ESRRG: variants seen among roughly 807,000 people sequenced by gnomAD.
ESRRG encodes the protein estrogen-related receptor gamma.
Under a neutral mutation model 44.0 loss-of-function variants are expected in ESRRG, and 13 were observed. The ratio of observed to expected loss-of-function variants is 0.30; its 90% CI spans 0.19 to 0.47. The LOEUF is 0.47. ESRRG is among the 20% of genes least tolerant of loss of function. The probability of loss-of-function intolerance (pLI) is 1.00; values close to 1 mark genes in which losing one functional copy is unlikely to be tolerated. For synonymous variants in ESRRG, 215 were observed against 214.6 expected (o/e 1.00, Z -0.02); for missense variants, 395 against 580.6 (o/e 0.68, Z 3.29).
intron 1 of ESRRG, among the ~76,000 whole-genome samples, chr1:216,997,005 G>A (rs2076454913): frequency 1.3e-5 from 2 of 152,188 alleles, no homozygotes; most frequent in South Asian, 2.1e-4. Flanking sequence ...CAGGAAACGG[G>A]CATTTTTCTC....
At chr1:216,787,317 A>C (rs1002057502) in intron 2 of ESRRG, among the ~76,000 whole-genome samples, 1 of 152,106 alleles carries the variant, frequency 6.6e-6, no homozygotes, top group South Asian at 2.1e-4. Flanking sequence ...TAAAAACCCC[A>C]AAAAAGGCTG....
chr1:216,693,260 AT>A (rs1230354731), intron 1 of ESRRG, among the ~76,000 whole-genome samples: 2 of 152,138 alleles, frequency 1.3e-5, no homozygotes, highest in African/African-American at 4.8e-5. Context: ...GTAATTTAAA[AT>A]TTTTTGGTGT....
chr1:217,133,427 G>T (rs914537764), intron 1 of ESRRG, among the ~76,000 whole-genome samples: 2 of 152,220 alleles, frequency 1.3e-5, no homozygotes, highest in Admixed American at 6.5e-5. Flanking sequence ...CCCACGCTCG[G>T]GCCTTCTCCA....
chr1:217,083,490 A>T (rs1024464816), intron 1 of ESRRG, among the ~76,000 whole-genome samples: 2 of 152,226 alleles, frequency 1.3e-5, no homozygotes, highest in Non-Finnish European at 2.9e-5. Flanking sequence ...GAGACCATGG[A>T]GTCAAACCCC....
At chr1:217,097,339 T>C (rs1478175540) in intron 1 of ESRRG, among the ~76,000 whole-genome samples, 2 of 152,228 alleles carry the variant, frequency 1.3e-5, no homozygotes, top group East Asian at 1.9e-4. Flanking sequence ...TACTGTTTAC[T>C]CTTATGTGTA....
intron 1 of ESRRG, among the ~76,000 whole-genome samples, chr1:217,104,718 T>G (rs1318491189): frequency 6.6e-6 from 1 of 152,128 alleles, no homozygotes; most frequent in Non-Finnish European, 1.5e-5. Flanking sequence ...CACAGGGCAT[T>G]GGGCTTTAAG....
intron 6 of ESRRG, among the ~76,000 whole-genome samples, chr1:216,517,594 G>T (rs2044729837): frequency 6.6e-6 from 1 of 152,028 alleles, no homozygotes; most frequent in African/African-American, 2.4e-5. Context: ...AATTAGAATC[G>T]TTTCATGATT....
chr1:216,547,036 T>G (rs761386418), intron 5 of ESRRG, among the ~76,000 whole-genome samples: 1 of 151,968 alleles, frequency 6.6e-6, no homozygotes, highest in Non-Finnish European at 1.5e-5. Flanking sequence ...CTCCCACTTA[T>G]GAGTGGGTGA....
At chr1:216,644,277 G>T (rs1194708530) in intron 3 of ESRRG, among the ~76,000 whole-genome samples, 1 of 152,008 alleles carries the variant, frequency 6.6e-6, no homozygotes, top group Non-Finnish European at 1.5e-5. Context: ...TCTGGAACAT[G>T]GGCACTCACA....
chr1:216,579,419 AG>A (rs1235646538), intron 3 of ESRRG, among the ~76,000 whole-genome samples: 2 of 152,132 alleles, frequency 1.3e-5, no homozygotes, highest in Non-Finnish European at 2.9e-5. Context: ...AGAAATTAAC[AG>A]TTGGGAAAGT....
At chr1:216,568,247 G>T in intron 3 of ESRRG, 149 bp from the exon 4 acceptor site, 1 of 616,880 alleles carries the variant, frequency 1.6e-6, no homozygotes. Context: ...TAAATAAGTG[G>T]TGGCTAAATC....
In ESRRG at chr1:216,942,273, C is replaced by T. The variant is rs78851017; in HGVS notation, c.-105-2600G>A. ...TTCTTTTTTATGGCTGCATGGTATT[C>T]CATATTCTATAGGTACCACATTTCC... On this transcript the variant is annotated intron_variant, in intron 1 of 7. Coordinates refer to the ESRRG transcript ENST00000359162. Among the ~76,000 whole-genome samples, 17 of 152,258 alleles carry T rather than the reference C, an allele frequency of 1.1e-4. No individual in the cohort carries two copies. In the East Asian group the frequency reaches 3.1e-3, roughly 28 times the overall value.
intron 1 of ESRRG, among the ~76,000 whole-genome samples, chr1:217,108,007 G>A (rs2092618869): frequency 7.1e-6 from 1 of 141,708 alleles, no homozygotes; most frequent in Non-Finnish European, 1.5e-5. Flanking sequence ...TTACTGCTAT[G>A]TTTAAAAAAA....
chr1:217,083,742 A>T (rs2091912284), intron 1 of ESRRG, among the ~76,000 whole-genome samples: 1 of 152,236 alleles, frequency 6.6e-6, no homozygotes, highest in Admixed American at 6.5e-5. Flanking sequence ...TTCATACTAA[A>T]TAGAAAATGA....
At chr1:216,855,764 A>T (rs1577288456) in intron 2 of ESRRG, among the ~76,000 whole-genome samples, 1 of 152,162 alleles carries the variant, frequency 6.6e-6, no homozygotes, top group Non-Finnish European at 1.5e-5. Context: ...AGCTGCAAAG[A>T]TCCTGCGGCT....
chr1:216,761,330 A>G (rs184066907), intron 2 of ESRRG, among the ~76,000 whole-genome samples: 1 of 152,110 alleles, frequency 6.6e-6, no homozygotes, highest in Non-Finnish European at 1.5e-5. Flanking sequence ...TAATACAATA[A>G]GTGTACTGGT....
At chr1:216,936,209 C>A (rs1203218664) in intron 2 of ESRRG, among the ~76,000 whole-genome samples, 2 of 152,016 alleles carry the variant, frequency 1.3e-5, no homozygotes, top group East Asian at 3.9e-4. Flanking sequence ...ATATATATTT[C>A]TTTTTATAAA....
At chr1:217,049,334 C>G (rs1346340325) in intron 1 of ESRRG, among the ~76,000 whole-genome samples, 5 of 152,144 alleles carry the variant, frequency 3.3e-5, no homozygotes, top group Non-Finnish European at 1.5e-5. Context: ...GTCTCCTAAA[C>G]CTATTTGCCT....
chr1:216,729,903 T>G (rs1434032904), intron 2 of ESRRG, among the ~76,000 whole-genome samples: 4 of 152,140 alleles, frequency 2.6e-5, no homozygotes, highest in Non-Finnish European at 5.9e-5. Context: ...TCTTGTTACA[T>G]TGAATGGCCA....
Sources: allele counts gnomAD v4.1 joint callset (sites outside exome capture counted in the v4.1 genomes callset), GRCh38; gene constraint gnomAD v4.1.1; transcripts MANE v1.5; gene names NCBI Gene and HGNC (gene_info 2026-07-23, HGNC 2026-07-21).